The following PPARGC1A variants were observed in gnomAD, a reference collection of about 807,000 sequenced individuals.
PPARGC1A encodes the protein peroxisome proliferator-activated receptor gamma coactivator 1-alpha.
PPARGC1A carries 25 observed loss-of-function variants against 88.7 expected under a neutral mutation model. That is an observed-to-expected ratio of 0.28 (90% confidence interval 0.21 to 0.39). PPARGC1A has a LOEUF of 0.39. Ranked by LOEUF, PPARGC1A falls within the 10% of genes least tolerant of loss-of-function variation. The pLI is 1.00. For missense variants in PPARGC1A, 880 were observed against 968.7 expected, an observed-to-expected ratio of 0.91 and a Z score of 1.22; for synonymous variants, 363 against 355.6, an observed-to-expected ratio of 1.02 and a Z score of -0.24.
the PPARGC1A span, among the ~76,000 whole-genome samples, chr4:24,230,165 C>T: frequency 3.9e-5 from 6 of 152,160 alleles, no homozygotes; most frequent in Non-Finnish European, 7.3e-5. Flanking sequence ...CTTAGCAACT[C>T]GCTCCAATTT....
the PPARGC1A span, among the ~76,000 whole-genome samples, chr4:24,438,644 A>AT: frequency 7.9e-5 from 12 of 152,266 alleles, no homozygotes; most frequent in Admixed American, 4.6e-4. Flanking sequence ...AATGATAAAC[A>AT]TTTCCTCTCA....
At chr4:23,903,989 C>T (rs1230656642), upstream of PPARGC1A, 3 of 951,282 alleles carry the variant, frequency 3.2e-6, no homozygotes, top group Non-Finnish European at 2.5e-6. Context: ...CCTCCTGATA[C>T]TCACTTTCAA....
intron 2 of PPARGC1A, among the ~76,000 whole-genome samples, chr4:23,843,068 C>T (rs948909232): frequency 2.0e-5 from 3 of 152,064 alleles, no homozygotes; most frequent in Non-Finnish European, 2.9e-5. Context: ...TTGTTTTTGG[C>T]AGTCCTAAGG....
the PPARGC1A span, among the ~76,000 whole-genome samples, chr4:24,277,380 G>T: frequency 6.6e-6 from 1 of 152,034 alleles, no homozygotes; most frequent in Non-Finnish European, 1.5e-5. Flanking sequence ...TATACAGTGG[G>T]CCCCCAACTG....
At chr4:24,219,673 G>A in the PPARGC1A span, among the ~76,000 whole-genome samples, 5 of 152,130 alleles carry the variant, frequency 3.3e-5, no homozygotes, top group Admixed American at 1.3e-4. Flanking sequence ...AAACATGGAC[G>A]CTTCTGGTAC....
the PPARGC1A span, among the ~76,000 whole-genome samples, chr4:24,040,543 T>A: frequency 6.6e-6 from 1 of 152,204 alleles, no homozygotes; most frequent in Non-Finnish European, 1.5e-5. Flanking sequence ...TGGCTTCGGA[T>A]ATTGACTTCC....
the PPARGC1A span, among the ~76,000 whole-genome samples, chr4:24,321,853 C>T: frequency 6.6e-6 from 1 of 152,164 alleles, no homozygotes; most frequent in South Asian, 2.1e-4. Flanking sequence ...AGCAGGATGC[C>T]TATTAGAATT....
the PPARGC1A span, among the ~76,000 whole-genome samples, chr4:24,456,588 A>C: frequency 1.2e-3 from 176 of 152,244 alleles, no homozygotes; most frequent in African/African-American, 4.2e-3. Flanking sequence ...AGTTGGTTGC[A>C]CCAATCCAAG....
chr4:23,815,694 T>C (rs1721854491), intron 7 of PPARGC1A, among the ~76,000 whole-genome samples: 1 of 152,128 alleles, frequency 6.6e-6, no homozygotes, highest in Non-Finnish European at 1.5e-5. Flanking sequence ...GTCAAGTGGC[T>C]CCAGAGTCCA....
the PPARGC1A span, among the ~76,000 whole-genome samples, chr4:24,319,013 A>G: frequency 6.6e-6 from 1 of 152,120 alleles, no homozygotes; most frequent in African/African-American, 2.4e-5. Context: ...AAACAAACAA[A>G]ATGAATTGGG....
At chr4:24,052,978 C>T in the PPARGC1A span, among the ~76,000 whole-genome samples, 1 of 148,354 alleles carries the variant, frequency 6.7e-6, no homozygotes, top group Admixed American at 6.8e-5. Flanking sequence ...ATTCTCCTGC[C>T]TCAGCCTCCG....
At chr4:24,256,347 G>A in the PPARGC1A span, among the ~76,000 whole-genome samples, 2 of 152,172 alleles carry the variant, frequency 1.3e-5, no homozygotes, top group Non-Finnish European at 2.9e-5. Context: ...CCTTCATCAT[G>A]ATTTCTGCTA....
chr4:24,288,812 T>C, the PPARGC1A span, among the ~76,000 whole-genome samples: 1 of 152,228 alleles, frequency 6.6e-6, no homozygotes, highest in African/African-American at 2.4e-5. Context: ...GAATAGTAAG[T>C]TCCATTTGAT....
the PPARGC1A span, among the ~76,000 whole-genome samples, chr4:24,085,309 A>C: frequency 6.6e-6 from 1 of 152,356 alleles, no homozygotes; most frequent in African/African-American, 2.4e-5. Flanking sequence ...TGACAATAAA[A>C]CCTTGCACTT....
upstream of PPARGC1A, among the ~76,000 whole-genome samples, chr4:23,899,771 G>C (rs904439038): frequency 1.3e-5 from 2 of 152,144 alleles, no homozygotes; most frequent in African/African-American, 4.8e-5. Context: ...TGGTGGTTTG[G>C]GGCAGGGCAG....
upstream of PPARGC1A, among the ~76,000 whole-genome samples, chr4:23,902,336 A>G (rs1373402054): frequency 2.0e-5 from 3 of 152,310 alleles, no homozygotes; most frequent in African/African-American, 7.2e-5. Flanking sequence ...AGAATTATTA[A>G]GGGAAAGTAG....
At chr4:23,906,969 G>A (rs1404798726), upstream of PPARGC1A, among the ~76,000 whole-genome samples, 1 of 152,140 alleles carries the variant, frequency 6.6e-6, no homozygotes, top group Non-Finnish European at 1.5e-5. Context: ...TTGTGGCTCT[G>A]ATTCAGGAGT....
the PPARGC1A span, among the ~76,000 whole-genome samples, chr4:23,996,657 C>A: frequency 6.6e-6 from 1 of 152,134 alleles, no homozygotes; most frequent in Non-Finnish European, 1.5e-5. Context: ...AGCCTAGATA[C>A]AGGAAACCTA....
intron 10 of PPARGC1A, among the ~76,000 whole-genome samples, chr4:23,811,145 C>T (rs573638742): frequency 2.1e-4 from 32 of 152,302 alleles, no homozygotes; most frequent in African/African-American, 7.5e-4. Context: ...TTACTTCTCA[C>T]TTATTTCTCC....
Sources: gnomAD v4.1 joint callset for allele counts (sites outside exome capture counted in the v4.1 genomes callset) on GRCh38, gnomAD v4.1.1 for gene constraint, MANE v1.5 for transcripts, NCBI Gene and HGNC (gene_info 2026-07-23, HGNC 2026-07-21) for gene names.